The following SCN8A variants were observed in gnomAD, a reference collection of about 807,000 sequenced individuals.
SCN8A encodes sodium channel protein type 8 subunit alpha.
SCN8A carries 30 observed loss-of-function variants against 184.1 expected under a neutral mutation model. The ratio of observed to expected loss-of-function variants is 0.16; its 90% CI spans 0.12 to 0.22. The LOEUF (loss-of-function observed/expected upper bound fraction) is 0.22, where lower values mean the gene tolerates loss of function less well. SCN8A is among the 10% of genes least tolerant of loss of function. SCN8A has a pLI of 1.00. For synonymous variants in SCN8A, 852 were observed against 907.0 expected (o/e 0.94, Z 1.09); for missense variants, 1,057 against 2,498.9 (o/e 0.42, Z 12.30).
chr12:51,795,500 C>T (rs775690379), intron 26 of SCN8A, among the ~76,000 whole-genome samples: 23 of 152,334 alleles, frequency 1.5e-4, no homozygotes, highest in African/African-American at 3.1e-4. Flanking sequence ...AGAGCTCCAG[C>T]GGCCATGCTG....
chr12:51,805,358 C>G (rs935353573), intron 26 of SCN8A, among the ~76,000 whole-genome samples: 1 of 152,060 alleles, frequency 6.6e-6, no homozygotes, highest in Non-Finnish European at 1.5e-5. Flanking sequence ...GAGGGAGGAT[C>G]GGATTGCTTG....
chr12:51,806,952 C>T lies in SCN8A; in HGVS notation c.5466C>T (p.Pro1822=), dbSNP rs771214217. Residue 1822 remains proline, a synonymous_variant, in exon 27 of 27, where the codon CCC becomes CCT. Coordinates refer to ENST00000627620, the MANE Select transcript of SCN8A (RefSeq NM_001330260.2). The surrounding 1 kb of genome is among the most constrained non-coding windows in gnomAD (Gnocchi z 8.7). ...CCTTGGAGCATCCTCTCCGAGTGCC[C>T]AAGCCCAATACCATTGAGCTCATCG... is the stretch of plus-strand genomic sequence containing the variant. The part of the protein sequence containing the change: ...ADALEHPLRV[P]KPNTIELIAM... 2.5e-6 allele frequency: 4 copies of T among 1,613,834 alleles called. No homozygotes were observed.
At chr12:51,677,154 G>A (rs1941236633) in intron 2 of SCN8A, among the ~76,000 whole-genome samples, 1 of 151,388 alleles carries the variant, frequency 6.6e-6, no homozygotes, top group African/African-American at 2.4e-5. Flanking sequence ...GGAGAGCAGA[G>A]CTCACTGCAG....
rs1555227596 is a variant in SCN8A at position 51,780,779 on chromosome 12, A to G, written c.3942+8A>G. ...CGATTTGAAGGGATGAGGGTAAGAT[A>G]CTAAGAGCAGCTGATCCTTCTGCAT... is the stretch of plus-strand genomic sequence containing the variant. On this transcript the variant is annotated splice_region_variant and intron_variant, in intron 21 of 26. Transcript: ENST00000627620. 2 of 1,577,022 alleles carry G rather than the reference A, an allele frequency of 1.3e-6. No individual in the cohort carries two copies. The highest frequency in any genetic ancestry group is 1.4e-5 in the African/African-American group (1 of 72,078).
At chr12:51,591,800 C>T (rs1939226151) in intron 1 of SCN8A, among the ~76,000 whole-genome samples, 1 of 152,120 alleles carries the variant, frequency 6.6e-6, no homozygotes, top group East Asian at 1.9e-4. Flanking sequence ...CTCCCCCTCC[C>T]CCATGTCTTA....
At chr12:51,642,490 A>G (rs949489719) in intron 1 of SCN8A, among the ~76,000 whole-genome samples, 2 of 152,166 alleles carry the variant, frequency 1.3e-5, no homozygotes, top group East Asian at 1.9e-4. Flanking sequence ...TGTCAGCTCA[A>G]TCTCCTAAGA....
chr12:51,738,916 A>G (rs985857506), intron 12 of SCN8A, among the ~76,000 whole-genome samples: 7 of 152,170 alleles, frequency 4.6e-5, no homozygotes, highest in Non-Finnish European at 8.8e-5. Context: ...GGTGGGGGAC[A>G]GACATTGTAC....
chr12:51,615,263 A>G (rs2138585162), intron 1 of SCN8A, among the ~76,000 whole-genome samples: 1 of 152,324 alleles, frequency 6.6e-6, no homozygotes, highest in African/African-American at 2.4e-5. Flanking sequence ...GAATATAGAA[A>G]TGTTAGTACC....
At chr12:51,745,002 T>C (rs534302724) in intron 12 of SCN8A, among the ~76,000 whole-genome samples, 21 of 152,314 alleles carry the variant, frequency 1.4e-4, no homozygotes, top group Non-Finnish European at 2.5e-4. Context: ...ATGGGTGATA[T>C]GGTACAGTGA....
At chr12:51,723,507 A>G (rs752268983) in intron 12 of SCN8A, among the ~76,000 whole-genome samples, 5 of 150,762 alleles carry the variant, frequency 3.3e-5, no homozygotes, top group Non-Finnish European at 7.4e-5. Flanking sequence ...AAGCAAAAAT[A>G]CTCTCCCCCT....
intron 2 of SCN8A, among the ~76,000 whole-genome samples, chr12:51,680,697 G>A (rs969548874): frequency 6.6e-6 from 1 of 152,100 alleles, no homozygotes; most frequent in African/African-American, 2.4e-5. Context: ...GGAAAGTATA[G>A]AGTACATTAC....
intron 20 of SCN8A, among the ~76,000 whole-genome samples, chr12:51,776,663 T>G (rs1937709738): frequency 1.3e-5 from 2 of 152,232 alleles, no homozygotes; most frequent in Non-Finnish European, 2.9e-5. Context: ...TTTTGAATTG[T>G]GGATGAACAA....
chr12:51,752,437 A>G lies in SCN8A; in HGVS notation c.2370+844A>G, dbSNP rs183166030. On this transcript the variant is annotated intron_variant, in intron 14 of 26. Coordinates refer to ENST00000627620, the MANE Select transcript of SCN8A (RefSeq NM_001330260.2). The stretch of plus-strand genomic sequence containing the variant: ...CCTCTCTCACACACACACACACACC[A>G]CACACCACACAGTTTTGACCTTAAG... 3.0e-3 allele frequency among the ~76,000 whole-genome samples: 463 copies of G among 152,032 alleles called. 3 individuals are homozygous for G. Among genetic ancestry groups the G allele is most frequent in the Non-Finnish European group, 4.2e-3 (283 of 67,966 alleles).
chr12:51,699,973 C>T (rs1941657253), intron 7 of SCN8A, among the ~76,000 whole-genome samples, 182 bp downstream of exon 7: 1 of 151,968 alleles, frequency 6.6e-6, no homozygotes, highest in Non-Finnish European at 1.5e-5. Flanking sequence ...TTGAGACCAG[C>T]CTGACCAACA....
chr12:51,794,702 A>C, intron 26 of SCN8A, 61 bp downstream of exon 26: 1 of 1,517,206 alleles, frequency 6.6e-7, no homozygotes, highest in South Asian at 1.2e-5. Context: ...TGAGGATGAG[A>C]TTTCCCAGGA....
intron 25 of SCN8A, 100 bp from the exon 26 acceptor site, chr12:51,794,271 G>A (rs1440949785): frequency 1.7e-6 from 2 of 1,163,220 alleles, no homozygotes; most frequent in African/African-American, 3.1e-5. Context: ...TTACAGAAAA[G>A]GAGGGAGAGG....
At chr12:51,677,260 A>T (rs1431568114) in intron 2 of SCN8A, among the ~76,000 whole-genome samples, 3 of 150,948 alleles carry the variant, frequency 2.0e-5, no homozygotes, top group East Asian at 2.0e-4. Flanking sequence ...AATTTTTTTT[A>T]TTTTTTTTGT....
chr12:51,739,336 C>T (rs190527159), intron 12 of SCN8A, among the ~76,000 whole-genome samples: 163 of 152,164 alleles, frequency 1.1e-3, no homozygotes, highest in African/African-American at 3.7e-3. Context: ...AGCCGTCACT[C>T]GAGGTGCCGC....
chr12:51,656,384 C>T (rs1328263903), intron 1 of SCN8A, among the ~76,000 whole-genome samples: 1 of 152,018 alleles, frequency 6.6e-6, no homozygotes, highest in African/African-American at 2.4e-5. Context: ...CCTACATGGC[C>T]TTGGAATAGG....
Sources: gnomAD v4.1 joint callset for allele counts (sites outside exome capture counted in the v4.1 genomes callset) on GRCh38, gnomAD v4.1.1 for gene constraint, Gnocchi (gnomAD v3.1) non-coding constraint, MANE v1.5 for transcripts, NCBI Gene and HGNC (gene_info 2026-07-23, HGNC 2026-07-21) for gene names.